The following RAPGEF2 variants were observed in gnomAD, a reference collection of about 807,000 sequenced individuals.
The protein encoded by RAPGEF2 is Rap guanine nucleotide exchange factor 2, also known as PDZ domain containing guanine nucleotide exchange factor (GEF) 1.
RAPGEF2 carries 54 observed loss-of-function variants against 186.7 expected under a neutral mutation model. The observed-to-expected ratio is 0.29, with a 90% CI of 0.23 to 0.36. The LOEUF is 0.36. Among genes scored for constraint, RAPGEF2 ranks in the 10% least tolerant of loss-of-function variants. RAPGEF2 has a pLI of 1.00. For synonymous variants in RAPGEF2, 712 were observed against 705.9 expected (o/e 1.01, Z -0.14); for missense variants, 1,532 against 2,045.0 (o/e 0.75, Z 4.84).
chr4:159,130,488 C>CA (rs1740912381), intron 1 of RAPGEF2, among the ~76,000 whole-genome samples: 1 of 152,290 alleles, frequency 6.6e-6, no homozygotes, highest in East Asian at 1.9e-4. Flanking sequence ...CTCAGCCCCC[C>CA]AAGTAGCTAG....
intron 17 of RAPGEF2, among the ~76,000 whole-genome samples, chr4:159,335,680 A>G (rs879607808): frequency 1.3e-5 from 2 of 152,046 alleles, no homozygotes; most frequent in Admixed American, 1.3e-4. Flanking sequence ...CTAAAAATAC[A>G]AAACATTAGC....
intron 29 of RAPGEF2, among the ~76,000 whole-genome samples, chr4:159,357,436 C>T (rs922079164): frequency 1.3e-5 from 2 of 152,180 alleles, no homozygotes; most frequent in East Asian, 1.9e-4. Context: ...ACTCTTTGTG[C>T]GTTCTTTCTA....
intron 8 of RAPGEF2, among the ~76,000 whole-genome samples, chr4:159,305,926 A>G (rs1470674376): frequency 1.3e-5 from 2 of 152,104 alleles, no homozygotes; most frequent in East Asian, 1.9e-4. Flanking sequence ...GCTTTTCCCC[A>G]GTATATGTTC....
intron 7 of RAPGEF2, among the ~76,000 whole-genome samples, chr4:159,302,124 G>GT (rs1762743574): frequency 6.6e-6 from 1 of 152,174 alleles, no homozygotes; most frequent in South Asian, 2.1e-4. Context: ...ATATTTGGCT[G>GT]TAAGTAGGCA....
rs59463532 is a variant in RAPGEF2 at position 159,330,265 on chromosome 4, ATG to A, written c.1303-39_1303-38del. The A allele has an allele frequency of 9.7e-3, 5,188 of 532,792 alleles. 38 individuals are homozygous for A. Among genetic ancestry groups the A allele is most frequent in the African/African-American group, 0.041 (1,968 of 48,082 alleles). The allele number at this position is 532,792 out of a possible 1,614,324, so 33.0% of individuals were successfully genotyped here. On this transcript the variant is annotated intron_variant, in intron 12 of 29. Coordinates refer to ENST00000691494, the MANE Select transcript of RAPGEF2 (RefSeq NM_001394067.2). ...CATATATGTGTGTGTGTATATGTAT[ATG>A]TGTGTGTGTGTGTGTGTGTGTGTGT...
At chr4:159,225,185 A>G (rs1751901287) in intron 4 of RAPGEF2, among the ~76,000 whole-genome samples, 2 of 152,150 alleles carry the variant, frequency 1.3e-5, no homozygotes, top group Non-Finnish European at 2.9e-5. Context: ...GGAAAAGAGG[A>G]GTACTTATAG....
At chr4:159,194,726 T>A (rs560524521) in intron 3 of RAPGEF2, among the ~76,000 whole-genome samples, 1 of 152,320 alleles carries the variant, frequency 6.6e-6, no homozygotes, top group South Asian at 2.1e-4. Flanking sequence ...AATCTAAAGT[T>A]TATTCATTGT....
chr4:159,118,881 G>A lies in RAPGEF2; in HGVS notation c.69+14650G>A, dbSNP rs368721264. On this transcript the variant is annotated intron_variant, in intron 1 of 29. Coordinates refer to ENST00000691494, the MANE Select transcript of RAPGEF2 (RefSeq NM_001394067.2). ...ATTACAGGCATGAGCCACCGCGCCC[G>A]GCCCTATTAAAGTTCTTAACACAGT... Among the ~76,000 whole-genome samples the A allele has an allele frequency of 2.0e-4, 30 of 152,188 alleles. No homozygotes were observed. The East Asian group carries it at 2.1e-3, about 11-fold the overall frequency.
At chr4:159,267,791 C>CT (rs200359653) in intron 7 of RAPGEF2, 70,005 of 825,812 alleles carry the variant, frequency 0.085, 526 homozygotes, top group African/African-American at 0.18. Flanking sequence ...TAGCTTTTTT[C>CT]TTTTTTTTTT....
chr4:159,328,833 G>GTGATGA (rs1196390857), intron 11 of RAPGEF2: 1 of 152,078 alleles, frequency 6.6e-6, no homozygotes, highest in Non-Finnish European at 1.5e-5. Context: ...GGTGATGGTG[G>GTGATGA]TGATGATGAT....
chr4:159,161,043 A>G (rs531473313), intron 1 of RAPGEF2, among the ~76,000 whole-genome samples: 2 of 152,310 alleles, frequency 1.3e-5, no homozygotes, highest in Non-Finnish European at 1.5e-5. Context: ...GATTGAAGAT[A>G]AGATGGGAAT....
At chr4:159,209,191 C>CAAA (rs146288884) in intron 3 of RAPGEF2, among the ~76,000 whole-genome samples, 1 of 103,716 alleles carries the variant, frequency 9.6e-6, no homozygotes, top group African/African-American at 3.8e-5. Flanking sequence ...CATGCCCAGC[C>CAAA]AAAAAAAAAA....
At chr4:159,345,764 T>C (rs971087333) in intron 24 of RAPGEF2, among the ~76,000 whole-genome samples, 6 of 152,016 alleles carry the variant, frequency 3.9e-5, no homozygotes, top group Admixed American at 6.6e-5. Flanking sequence ...AACAACAAAT[T>C]CAGCTACCAG....
chr4:159,195,884 T>G (rs959654162), intron 3 of RAPGEF2, among the ~76,000 whole-genome samples: 4 of 139,752 alleles, frequency 2.9e-5, no homozygotes, highest in Non-Finnish European at 1.5e-5. Context: ...TGTTTTTTTT[T>G]TTTTTTTTTT....
chr4:159,251,945 C>T (rs1234150669), intron 7 of RAPGEF2, among the ~76,000 whole-genome samples: 1 of 152,044 alleles, frequency 6.6e-6, no homozygotes, highest in Non-Finnish European at 1.5e-5. Flanking sequence ...AGCGGTAACA[C>T]TCACCGCGGA....
chr4:159,193,168 A>T (rs1748291895), intron 2 of RAPGEF2, 32 bp from the exon 3 acceptor site: 1 of 1,384,948 alleles, frequency 7.2e-7, no homozygotes, highest in Non-Finnish European at 9.5e-7. Flanking sequence ...TTAGTGACAG[A>T]TGTTGAACTC....
chr4:159,241,088 G>A, intron 5 of RAPGEF2, 113 bp from the exon 6 acceptor site: 1 of 850,128 alleles, frequency 1.2e-6, no homozygotes, highest in Non-Finnish European at 1.7e-6. Flanking sequence ...GTTTTCTACA[G>A]ATGTCTTTGC....
intron 7 of RAPGEF2, among the ~76,000 whole-genome samples, chr4:159,253,325 C>CT (rs1755698420): frequency 6.6e-6 from 1 of 152,188 alleles, no homozygotes; most frequent in African/African-American, 2.4e-5. Flanking sequence ...ATGAAAGGAT[C>CT]TTTTTACTTA....
At chr4:159,300,484 G>A (rs192372449) in intron 7 of RAPGEF2, among the ~76,000 whole-genome samples, 430 of 151,948 alleles carry the variant, frequency 2.8e-3, no homozygotes, top group Non-Finnish European at 4.9e-3. Flanking sequence ...AAAAATATAG[G>A]TGAAAAGATT....
Sources: gnomAD v4.1 joint callset for allele counts (sites outside exome capture counted in the v4.1 genomes callset) on GRCh38, gnomAD v4.1.1 for gene constraint, MANE v1.5 for transcripts, NCBI Gene and HGNC (gene_info 2026-07-23, HGNC 2026-07-21) for gene names.